The following ARHGEF33 variants were observed in gnomAD, a reference collection of about 807,000 sequenced individuals.
The protein encoded by ARHGEF33 is Rho guanine nucleotide exchange factor 33.
Under a neutral mutation model 101.9 loss-of-function variants are expected in ARHGEF33, and 72 were observed. That is an observed-to-expected ratio of 0.71 (90% CI 0.58 to 0.86). The LOEUF is 0.86. Ranked by LOEUF, ARHGEF33 falls within the 40% of genes least tolerant of loss-of-function variation. The pLI, the probability that ARHGEF33 is intolerant of heterozygous loss-of-function variation, is 0.00. For missense variants in ARHGEF33, 1,169 were observed against 1,111.3 expected (o/e 1.05, Z -0.74); for synonymous variants, 499 against 442.5 (o/e 1.13, Z -1.60).
chr2:38,929,790 CA>C lies in ARHGEF33; in HGVS notation c.324del (p.Gln108HisfsTer70). 6.4e-7 allele frequency: 1 copy of C among 1,551,652 alleles called. No homozygotes were observed. The highest frequency in any genetic ancestry group is 8.7e-7 in the Non-Finnish European group (1 of 1,146,818). On this transcript the variant is annotated frameshift_variant, in exon 6 of 18. Transcript: ENST00000409978. LOFTEE classifies it high-confidence loss of function. ...AATGCAACAGAAAATCGAGCAGCTT[CA>C]ACAGGAGAAGCGAAGAGAATCTCGA... is the stretch of plus-strand genomic sequence containing the variant. ...EEMQQKIEQL[Q>X]QEKRRESRKV...
intron 9 of ARHGEF33, among the ~76,000 whole-genome samples, chr2:38,942,561 C>G (rs910731071): frequency 2.6e-4 from 37 of 143,772 alleles, no homozygotes; most frequent in Middle Eastern, 7.4e-3. Context: ...TTAAAAGTTT[C>G]TCCTTTTTAA....
intron 2 of ARHGEF33, among the ~76,000 whole-genome samples, chr2:38,898,927 G>A (rs1411593978): frequency 1.3e-5 from 2 of 152,190 alleles, no homozygotes; most frequent in Non-Finnish European, 2.9e-5. Flanking sequence ...TGCTCTGAAA[G>A]ATTCTCAGAC....
At chr2:38,931,374 C>A in intron 7 of ARHGEF33, 123 bp downstream of exon 7, 2 of 835,978 alleles carry the variant, frequency 2.4e-6, no homozygotes, top group Non-Finnish European at 3.6e-6. Context: ...AATTTTTCTG[C>A]TTGTAACTGG....
Position 38,960,551 on chromosome 2 carries a change from C to G in ARHGEF33, c.2246C>G (p.Pro749Arg), listed in dbSNP as rs758832860. The change falls in exon 16 of 18, where the codon CCG becomes CGG. Residue 749 changes from proline to arginine, a missense_variant. Pro to Arg is a moderately radical substitution (Grantham distance 103, BLOSUM62 -2). Transcript: ENST00000409978. Reference sequence around the variant, plus strand: ...GAGCGCGCCGCGCAGGCGCACGGCCCGGCCGCCGCCGCCGTCGCCGCCCGC... The same window carrying G: ...GAGCGCGCCGCGCAGGCGCACGGCCGGGCCGCCGCCGCCGTCGCCGCCCGC... ...KAERAAQAHG[P>R]AAAAVAARGA... 1.2e-5 allele frequency: 15 copies of G among 1,269,846 alleles called. No homozygotes were observed. Among genetic ancestry groups the G allele is most frequent in the Admixed American group, 7.2e-5 (2 of 27,594 alleles). The allele number at this position is 1,269,846 out of a possible 1,614,324, so 78.7% of individuals were successfully genotyped here. A position where few individuals can be genotyped will look rare whatever the true frequency, so the allele number is the denominator to read the frequency against.
intron 17 of ARHGEF33, among the ~76,000 whole-genome samples, chr2:38,969,804 G>C (rs1438730311): frequency 2.6e-5 from 4 of 152,212 alleles, no homozygotes; most frequent in African/African-American, 9.6e-5. Context: ...GTGGTAGGCT[G>C]ATGTTAGCTA....
chr2:38,896,978 C>T (rs934584186), intron 2 of ARHGEF33, among the ~76,000 whole-genome samples: 10 of 152,200 alleles, frequency 6.6e-5, no homozygotes, highest in Non-Finnish European at 1.5e-4. Context: ...TGCAGTGGCA[C>T]GATCTTGGCT....
intron 2 of ARHGEF33, among the ~76,000 whole-genome samples, chr2:38,898,740 TTTC>T (rs1666176051): frequency 6.6e-6 from 1 of 152,238 alleles, no homozygotes; most frequent in African/African-American, 2.4e-5. Context: ...CTCAAGGATA[TTTC>T]ACTTGATAAA....
chr2:38,942,412 G>A (rs148442916), intron 9 of ARHGEF33, among the ~76,000 whole-genome samples: 15 of 148,964 alleles, frequency 1.0e-4, no homozygotes, highest in African/African-American at 3.2e-4. Context: ...TGCCCACCTC[G>A]ACCTCCCAAA....
At chr2:38,967,936 CTTT>C (rs397871559) in intron 17 of ARHGEF33, among the ~76,000 whole-genome samples, 40 of 96,360 alleles carry the variant, frequency 4.2e-4, no homozygotes, top group African/African-American at 1.5e-3. Flanking sequence ...TTGAGCCTAT[CTTT>C]TTTTTTTTTT....
chr2:38,903,971 C>T (rs1666330949), intron 2 of ARHGEF33, among the ~76,000 whole-genome samples: 1 of 152,098 alleles, frequency 6.6e-6, no homozygotes, highest in South Asian at 2.1e-4. Context: ...AACTTCTACC[C>T]TATGTTAGAA....
Position 38,958,205 on chromosome 2 carries a change from A to T in ARHGEF33, c.1535+7A>T, listed in dbSNP as rs1401618762. ...GTTCTGGCCCTGCCATCACGTAAGC[A>T]CCTGTTGCTGTGGGAAGGTTAATGC... On this transcript the variant is annotated splice_region_variant and intron_variant, in intron 15 of 17. Coordinates refer to ENST00000409978, the MANE Select transcript of ARHGEF33 (RefSeq NM_001145451.5). The T allele has an allele frequency of 1.6e-5, 25 of 1,551,184 alleles. No homozygotes were observed. Among genetic ancestry groups the T allele is most frequent in the Non-Finnish European group, 1.8e-5 (21 of 1,146,970 alleles).
chr2:38,928,024 G>A (rs543341430), intron 4 of ARHGEF33, among the ~76,000 whole-genome samples: 5 of 152,146 alleles, frequency 3.3e-5, no homozygotes, highest in Admixed American at 1.3e-4. Context: ...CCAAGTATGC[G>A]CTATGGTAGG....
chr2:38,940,427 C>A (rs1667273644), intron 9 of ARHGEF33, among the ~76,000 whole-genome samples: 1 of 151,564 alleles, frequency 6.6e-6, no homozygotes, highest in Admixed American at 6.6e-5. Flanking sequence ...CTATGCCCAG[C>A]CATCTTTTTT....
intron 10 of ARHGEF33, among the ~76,000 whole-genome samples, chr2:38,948,311 A>G (rs1667503953): frequency 6.6e-6 from 1 of 152,218 alleles, no homozygotes; most frequent in African/African-American, 2.4e-5. Context: ...CCCGTTTTCA[A>G]TGTTTCGTAT....
chr2:38,910,138 T>C (rs1052184935), intron 2 of ARHGEF33, among the ~76,000 whole-genome samples: 1 of 152,200 alleles, frequency 6.6e-6, no homozygotes, highest in African/African-American at 2.4e-5. Context: ...TCATTTCCTA[T>C]TGGGGAGTAG....
chr2:38,938,111 G>A (rs1261672970), intron 9 of ARHGEF33, among the ~76,000 whole-genome samples: 2 of 152,262 alleles, frequency 1.3e-5, no homozygotes, highest in South Asian at 4.1e-4. Context: ...ATGAAGAAGA[G>A]CGCCAACAAC....
chr2:38,890,340 A>C (rs747587656), intron 1 of ARHGEF33, among the ~76,000 whole-genome samples: 1 of 152,212 alleles, frequency 6.6e-6, no homozygotes, highest in African/African-American at 2.4e-5. Context: ...TGACATGGAC[A>C]TGCCTCTTTG....
chr2:38,901,538 C>G (rs1422319048), intron 2 of ARHGEF33, among the ~76,000 whole-genome samples: 1 of 152,208 alleles, frequency 6.6e-6, no homozygotes, highest in Non-Finnish European at 1.5e-5. Context: ...CCTGGAAGAC[C>G]TTTACATCTG....
chr2:38,956,779 T>G, intron 13 of ARHGEF33, 120 bp from the exon 14 acceptor site: 1 of 1,242,716 alleles, frequency 8.0e-7, no homozygotes, highest in Non-Finnish European at 1.1e-6. Flanking sequence ...ATGTGTATTG[T>G]TCATTGTTTT....
Sources: gnomAD v4.1 joint callset for allele counts (sites outside exome capture counted in the v4.1 genomes callset) on GRCh38, gnomAD v4.1.1 for gene constraint, MANE v1.5 for transcripts, NCBI Gene and HGNC (gene_info 2026-07-23, HGNC 2026-07-21) for gene names.